ZFHX3: variants seen among roughly 807,000 people sequenced by gnomAD.
ZFHX3 encodes the protein zinc finger homeobox 3, also known as zinc finger homeobox protein 3.
Under a neutral mutation model 279.1 loss-of-function variants are expected in ZFHX3, and 42 were observed. The observed-to-expected ratio is 0.15, with a 90% CI of 0.12 to 0.19. The LOEUF is 0.19. Ranked by LOEUF, ZFHX3 falls within the 10% of genes least tolerant of loss-of-function variation. The pLI, the probability that ZFHX3 is intolerant of heterozygous loss-of-function variation, is 1.00. For synonymous variants in ZFHX3, 2,293 were observed against 1,957.8 expected (o/e 1.17, Z -4.52); for missense variants, 4,981 against 4,754.0 (o/e 1.05, Z -1.40).
intron 2 of ZFHX3, among the ~76,000 whole-genome samples, chr16:73,511,463 A>T (rs2019427250): frequency 1.3e-5 from 2 of 152,254 alleles, no homozygotes; most frequent in Admixed American, 6.5e-5. Flanking sequence ...AAAGTGATAA[A>T]GTATGAGCAG....
intron 1 of ZFHX3, among the ~76,000 whole-genome samples, chr16:73,818,224 T>C (rs1259551413): frequency 6.6e-6 from 1 of 152,226 alleles, no homozygotes; most frequent in East Asian, 1.9e-4. Flanking sequence ...GTATGACAGA[T>C]CCTACTGCAC....
intron 3 of ZFHX3, among the ~76,000 whole-genome samples, chr16:73,330,927 C>T (rs1465301097): frequency 6.6e-6 from 1 of 152,158 alleles, no homozygotes; most frequent in Non-Finnish European, 1.5e-5. Flanking sequence ...CCTTATGCTT[C>T]TAGTGTTCTT....
intron 3 of ZFHX3, among the ~76,000 whole-genome samples, chr16:73,417,649 A>T (rs1269744021): frequency 3.3e-5 from 5 of 151,428 alleles, no homozygotes; most frequent in Non-Finnish European, 7.4e-5. Context: ...TGTTGTCTAA[A>T]ATAATTTAAA....
chr16:73,003,330 A>C (rs1963565260), intron 1 of ZFHX3, among the ~76,000 whole-genome samples: 2 of 152,018 alleles, frequency 1.3e-5, no homozygotes, highest in African/African-American at 4.8e-5. Context: ...AAAAAAAAAA[A>C]AACCATCAGA....
chr16:73,109,144 T>C (rs1402611308), intron 7 of ZFHX3, among the ~76,000 whole-genome samples: 2 of 152,234 alleles, frequency 1.3e-5, no homozygotes, highest in East Asian at 3.8e-4. Flanking sequence ...AATGATCTGG[T>C]AACTGTTTCA....
At chr16:73,226,127 C>T (rs541013384) in intron 5 of ZFHX3, among the ~76,000 whole-genome samples, 1 of 152,354 alleles carries the variant, frequency 6.6e-6, no homozygotes, top group South Asian at 2.1e-4. Context: ...TAAACTAGCT[C>T]TGTGGAAACA....
chr16:73,185,583 C>G (rs1025076283), intron 5 of ZFHX3, among the ~76,000 whole-genome samples: 8 of 152,146 alleles, frequency 5.3e-5, no homozygotes, highest in African/African-American at 1.9e-4. Flanking sequence ...GCGTGAGACT[C>G]AGAGGTTGGG....
At chr16:72,814,663 T>C (rs985152518) in intron 5 of ZFHX3, among the ~76,000 whole-genome samples, 1 of 151,986 alleles carries the variant, frequency 6.6e-6, no homozygotes, top group African/African-American at 2.4e-5. Flanking sequence ...AAGCTTCTTT[T>C]GTGAGCTTGA....
At chr16:73,702,506 A>G (rs928621529) in intron 1 of ZFHX3, among the ~76,000 whole-genome samples, 2 of 152,182 alleles carry the variant, frequency 1.3e-5, no homozygotes, top group Non-Finnish European at 2.9e-5. Flanking sequence ...CGAAACTGAC[A>G]TACTCTTTAA....
At chr16:73,607,195 A>G (rs951274385) in intron 2 of ZFHX3, among the ~76,000 whole-genome samples, 4 of 152,040 alleles carry the variant, frequency 2.6e-5, no homozygotes, top group Non-Finnish European at 5.9e-5. Flanking sequence ...TGCCTGGCTA[A>G]TTTTTGTATT....
chr16:73,157,141 A>G (rs1967107461), intron 5 of ZFHX3, among the ~76,000 whole-genome samples: 1 of 152,164 alleles, frequency 6.6e-6, no homozygotes, highest in South Asian at 2.1e-4. Flanking sequence ...GAGGGAGGAC[A>G]AGTCATGAAT....
chr16:73,135,597 T>C (rs981613375), intron 6 of ZFHX3, among the ~76,000 whole-genome samples: 3 of 152,218 alleles, frequency 2.0e-5, no homozygotes, highest in African/African-American at 4.8e-5. Flanking sequence ...GAATGTGGCC[T>C]GTGGAAGTCT....
chr16:72,960,964 G>A (rs911243212), intron 1 of ZFHX3, among the ~76,000 whole-genome samples: 1 of 152,016 alleles, frequency 6.6e-6, no homozygotes. Flanking sequence ...GAAAAGATGG[G>A]TCCCCAGATT....
intron 4 of ZFHX3, among the ~76,000 whole-genome samples, chr16:72,882,213 T>C (rs2038495481): frequency 7.1e-6 from 1 of 140,532 alleles, no homozygotes; most frequent in Admixed American, 7.4e-5. Context: ...AAAAACCCTC[T>C]CTGCAGTGAG....
intron 1 of ZFHX3, among the ~76,000 whole-genome samples, chr16:73,850,482 T>C (rs1961566653): frequency 6.6e-6 from 1 of 152,178 alleles, no homozygotes; most frequent in Admixed American, 6.6e-5. Flanking sequence ...ATGGGGATTC[T>C]TGAGCACACG....
intron 3 of ZFHX3, among the ~76,000 whole-genome samples, chr16:73,370,166 A>C (rs1396842927): frequency 6.6e-6 from 1 of 152,186 alleles, no homozygotes; most frequent in African/African-American, 2.4e-5. Context: ...CTTTGGAAAC[A>C]CTTCAGTCAA....
intron 7 of ZFHX3, chr16:73,123,692 A>T (rs1296647691): frequency 1.3e-5 from 2 of 152,112 alleles, no homozygotes; most frequent in African/African-American, 4.8e-5. Flanking sequence ...TCAATGTTTG[A>T]GTCACCTGGA....
intron 3 of ZFHX3, among the ~76,000 whole-genome samples, chr16:72,914,231 C>T (rs1335482836): frequency 6.6e-6 from 1 of 152,198 alleles, no homozygotes; most frequent in Admixed American, 6.5e-5. Flanking sequence ...GGAGGCCCAA[C>T]AAAACCAAGA....
intron 2 of ZFHX3, among the ~76,000 whole-genome samples, chr16:73,515,469 G>C (rs575438482): frequency 6.7e-6 from 1 of 150,250 alleles, no homozygotes; most frequent in Admixed American, 6.7e-5. Flanking sequence ...AGATAGATAA[G>C]AGAGAGGAAA....
Sources: gnomAD v4.1 joint callset for allele counts (sites outside exome capture counted in the v4.1 genomes callset) on GRCh38, gnomAD v4.1.1 for gene constraint, MANE v1.5 for transcripts, NCBI Gene and HGNC (gene_info 2026-07-23, HGNC 2026-07-21) for gene names.